The following MAGI2 variants were observed in gnomAD, a reference collection of about 807,000 sequenced individuals.
The protein encoded by MAGI2 is membrane associated guanylate kinase, WW and PDZ domain containing 2.
MAGI2 carries 35 observed loss-of-function variants against 133.3 expected under a neutral mutation model. The observed-to-expected ratio is 0.26, with a 90% CI of 0.20 to 0.35. The LOEUF (loss-of-function observed/expected upper bound fraction) is 0.35, where lower values mean the gene tolerates loss of function less well. Ranked by LOEUF, MAGI2 falls within the 10% of genes least tolerant of loss-of-function variation. MAGI2 has a pLI of 1.00. For synonymous variants in MAGI2, 729 were observed against 710.6 expected (o/e 1.03, Z -0.41); for missense variants, 1,636 against 1,863.4 (o/e 0.88, Z 2.25).
chr7:79,009,122 A>C (rs943352488), intron 1 of MAGI2: 1 of 152,124 alleles, frequency 6.6e-6, no homozygotes, highest in African/African-American at 2.4e-5. Context: ...TCTCCTTATT[A>C]AGGTAAGCCA....
At chr7:79,094,471 A>G (rs1446530062) in intron 1 of MAGI2, among the ~76,000 whole-genome samples, 1 of 152,212 alleles carries the variant, frequency 6.6e-6, no homozygotes, top group African/African-American at 2.4e-5. Context: ...TAATGTCAAT[A>G]TTTGGAGCTC....
intron 2 of MAGI2, among the ~76,000 whole-genome samples, chr7:78,944,201 T>C (rs1408075728): frequency 6.6e-6 from 1 of 152,160 alleles, no homozygotes; most frequent in Non-Finnish European, 1.5e-5. Flanking sequence ...CTCATACTAT[T>C]GCACTCATAC....
chr7:78,515,516 CA>C (rs887412408), intron 4 of MAGI2, among the ~76,000 whole-genome samples: 1 of 152,024 alleles, frequency 6.6e-6, no homozygotes, highest in African/African-American at 2.4e-5. Context: ...AGAGATTAGA[CA>C]AGATTGACTA....
Position 78,133,076 on chromosome 7 carries a change from A to G in MAGI2, c.3032-16T>C, listed in dbSNP as rs202033312. 12 of 1,527,056 alleles carry G rather than the reference A, an allele frequency of 7.9e-6. No individual in the cohort carries two copies. The East Asian group carries it at 2.8e-4, about 36-fold the overall frequency. The allele number at this position is 1,527,056 out of a possible 1,614,324, so 94.6% of individuals were successfully genotyped here. ...CTGTTGAGCTCTGCGATGGAGAACC[A>G]AAGCGGCAGATGCAGTCAGGTTAGT... is the stretch of plus-strand genomic sequence containing the variant. On this transcript the variant is annotated splice_polypyrimidine_tract_variant and intron_variant, in intron 17 of 21. Transcript: ENST00000354212.
At chr7:78,310,714 T>C (rs149783930) in intron 9 of MAGI2, among the ~76,000 whole-genome samples, 143 of 152,222 alleles carry the variant, frequency 9.4e-4, no homozygotes, top group African/African-American at 3.1e-3. Context: ...CAAGATTAAA[T>C]GGAGATGATA....
intron 9 of MAGI2, among the ~76,000 whole-genome samples, chr7:78,319,867 T>C (rs998463270): frequency 2.0e-5 from 3 of 152,048 alleles, no homozygotes; most frequent in South Asian, 2.1e-4. Flanking sequence ...ATCAACAAAA[T>C]AGACCACTAA....
At chr7:78,193,448 G>A (rs550932741) in intron 12 of MAGI2, among the ~76,000 whole-genome samples, 2 of 152,216 alleles carry the variant, frequency 1.3e-5, no homozygotes, top group East Asian at 3.9e-4. Flanking sequence ...GTGAGAGCAG[G>A]GCATATTACT....
chr7:79,311,040 A>C (rs1336399162), intron 1 of MAGI2, among the ~76,000 whole-genome samples: 1 of 152,072 alleles, frequency 6.6e-6, no homozygotes, highest in African/African-American at 2.4e-5. Context: ...CACCCCCAAC[A>C]AATTGTTTCT....
At chr7:78,455,792 A>T (rs964573890) in intron 6 of MAGI2, among the ~76,000 whole-genome samples, 9 of 152,178 alleles carry the variant, frequency 5.9e-5, no homozygotes, top group African/African-American at 2.2e-4. Context: ...GCTCAAGAGT[A>T]ATCTGTTTAA....
At chr7:79,278,617 C>A (rs1835412418) in intron 1 of MAGI2, among the ~76,000 whole-genome samples, 1 of 152,002 alleles carries the variant, frequency 6.6e-6, no homozygotes, top group African/African-American at 2.4e-5. Flanking sequence ...ATAGTACTGA[C>A]CACAATATTA....
chr7:79,285,354 A>G (rs1160166913), intron 1 of MAGI2, among the ~76,000 whole-genome samples: 1 of 152,096 alleles, frequency 6.6e-6, no homozygotes, highest in Non-Finnish European at 1.5e-5. Flanking sequence ...TTTGTTCAAG[A>G]GAGAGCTCAT....
rs557063475 is a variant in MAGI2, at chr7:79,353,875, C to T, written c.301+99145G>A. ...CTGCTTATGCTTCAGTGGCCATGTC[C>T]ATTCATAGTTCTGGGCACAGCCCTG... On this transcript the variant is annotated intron_variant, in intron 1 of 21. Coordinates refer to ENST00000354212, the MANE Select transcript of MAGI2 (RefSeq NM_012301.4). The T allele has an allele frequency of 7.8e-5, 15 of 191,112 alleles. No individual in the cohort carries two copies. The South Asian group carries it at 1.3e-3, about 16-fold the overall frequency. The allele number at this position is 191,112 out of a possible 1,614,324, so 11.8% of individuals were successfully genotyped here.
At chr7:78,169,356 T>C (rs2049434) in intron 14 of MAGI2, among the ~76,000 whole-genome samples, 41,675 of 152,192 alleles carry the variant, frequency 0.27, 5,841 homozygotes, top group Non-Finnish European at 0.29. Flanking sequence ...ACAGAGGCTA[T>C]GTTTCATTTT....
intron 1 of MAGI2, among the ~76,000 whole-genome samples, chr7:79,437,200 G>A (rs1291888879): frequency 6.6e-6 from 1 of 152,120 alleles, no homozygotes; most frequent in East Asian, 1.9e-4. Context: ...CCAGAGGTGG[G>A]AGTGGGAGAG....
chr7:78,999,421 A>G (rs1365980560), intron 2 of MAGI2, among the ~76,000 whole-genome samples: 1 of 152,092 alleles, frequency 6.6e-6, no homozygotes, highest in Non-Finnish European at 1.5e-5. Flanking sequence ...CTTAAGCAAC[A>G]TTTTGAAGCC....
At chr7:78,405,507 T>C (rs915433972) in intron 6 of MAGI2, among the ~76,000 whole-genome samples, 7 of 152,084 alleles carry the variant, frequency 4.6e-5, no homozygotes, top group African/African-American at 1.7e-4. Flanking sequence ...CTCAAAACTA[T>C]GGAATTTTAG....
intron 21 of MAGI2, among the ~76,000 whole-genome samples, chr7:78,054,251 G>A (rs1812322758): frequency 6.6e-6 from 1 of 152,020 alleles, no homozygotes; most frequent in East Asian, 1.9e-4. Flanking sequence ...TCAGCCTCCT[G>A]AGTAGCTGCG....
At chr7:79,113,029 A>G (rs978427208) in intron 1 of MAGI2, among the ~76,000 whole-genome samples, 1 of 152,236 alleles carries the variant, frequency 6.6e-6, no homozygotes, top group African/African-American at 2.4e-5. Flanking sequence ...TTGCCTTCTT[A>G]TTGTATAATT....
intron 2 of MAGI2, among the ~76,000 whole-genome samples, chr7:78,738,183 C>T (rs545174523): frequency 6.6e-6 from 1 of 152,160 alleles, no homozygotes; most frequent in East Asian, 1.9e-4. Flanking sequence ...ATTTAAGTCA[C>T]AGAGGGCTGA....
Sources: allele counts gnomAD v4.1 joint callset (sites outside exome capture counted in the v4.1 genomes callset), GRCh38; gene constraint gnomAD v4.1.1; transcripts MANE v1.5; gene names NCBI Gene and HGNC (gene_info 2026-07-23, HGNC 2026-07-21).